The following SLC25A48 variants were observed in gnomAD, a reference collection of about 807,000 sequenced individuals.
SLC25A48 encodes solute carrier family 25 member 48.
In SLC25A48, 29 loss-of-function variants were observed where a neutral mutation model predicts 32.2. That is an observed-to-expected ratio of 0.90 (90% confidence interval 0.67 to 1.23). SLC25A48 has a LOEUF of 1.23. Among genes scored for constraint, SLC25A48 ranks in the 50% most tolerant of loss-of-function variants. The probability of loss-of-function intolerance (pLI) is 0.00; values close to 1 mark genes in which losing one functional copy is unlikely to be tolerated. For missense variants in SLC25A48, 399 were observed against 422.7 expected (o/e 0.94, Z 0.49); for synonymous variants, 164 against 172.3 (o/e 0.95, Z 0.38).
Position 135,871,574 on chromosome 5 carries a change from C to CG in SLC25A48, c.541dup (p.Ala181GlyfsTer24), listed in dbSNP as rs747050167. ...GAATGAGGGCCTGGCGGGGCTATAC[C>CG]GGGGGGCCAGTGCCATGCTGCTGAG... On this transcript the variant is annotated frameshift_variant, in exon 5 of 8. Transcript: ENST00000681962. LOFTEE classifies it high-confidence loss of function. The CG allele has an allele frequency of 1.2e-6, 2 of 1,614,038 alleles. No individual in the cohort carries two copies. Among genetic ancestry groups the CG allele is most frequent in the East Asian group, 2.2e-5 (1 of 44,888 alleles).
intron 4 of SLC25A48, among the ~76,000 whole-genome samples, chr5:135,817,056 G>A (rs1458361824): frequency 1.3e-5 from 2 of 152,248 alleles, no homozygotes; most frequent in Admixed American, 6.5e-5. Context: ...AAAGAGCAAA[G>A]TTGGCAGACT....
At chr5:135,851,867 T>TC (rs1454919357) in intron 3 of SLC25A48, among the ~76,000 whole-genome samples, 1 of 152,070 alleles carries the variant, frequency 6.6e-6, no homozygotes, top group Non-Finnish European at 1.5e-5. Flanking sequence ...CAGCACCCCC[T>TC]CCTCAGCCTC....
intron 3 of SLC25A48, 116 bp downstream of exon 3, chr5:135,850,612 C>T (rs1008399546): frequency 6.6e-6 from 6 of 914,566 alleles, no homozygotes; most frequent in African/African-American, 1.7e-5. Flanking sequence ...GCTCTTCACA[C>T]TCAGCTTGAT....
chr5:135,592,692 A>T (rs745455523), intron 1 of SLC25A48, among the ~76,000 whole-genome samples: 1 of 152,134 alleles, frequency 6.6e-6, no homozygotes, highest in African/African-American at 2.4e-5. Flanking sequence ...ACAGTGAGAG[A>T]GAGCACCACA....
At chr5:135,773,002 G>A (rs1409738720) in intron 3 of SLC25A48, among the ~76,000 whole-genome samples, 1 of 148,398 alleles carries the variant, frequency 6.7e-6, no homozygotes, top group Non-Finnish European at 1.5e-5. Context: ...GAAGAAAAGA[G>A]GATGGTATTA....
chr5:135,791,974 C>A (rs765176229), intron 3 of SLC25A48, among the ~76,000 whole-genome samples: 1 of 151,798 alleles, frequency 6.6e-6, no homozygotes, highest in Non-Finnish European at 1.5e-5. Flanking sequence ...GGTGTACACA[C>A]TGTGATATTA....
At chr5:135,787,109 C>A (rs1028480058) in intron 3 of SLC25A48, among the ~76,000 whole-genome samples, 1 of 151,888 alleles carries the variant, frequency 6.6e-6, no homozygotes, top group Non-Finnish European at 1.5e-5. Context: ...GATGTTACTC[C>A]TAATTTCACA....
intron 1 of SLC25A48, among the ~76,000 whole-genome samples, chr5:135,612,946 A>T (rs1752105764): frequency 6.6e-6 from 1 of 152,208 alleles, no homozygotes; most frequent in African/African-American, 2.4e-5. Context: ...CAGTAGTTGG[A>T]TTGCTGAATT....
intron 3 of SLC25A48, chr5:135,652,258 C>T: frequency 2.4e-6 from 1 of 409,460 alleles, no homozygotes; most frequent in South Asian, 1.8e-5. Flanking sequence ...TAGACAGTCA[C>T]CTGGTGGCAG....
At chr5:135,655,806 C>T (rs977552281) in intron 3 of SLC25A48, among the ~76,000 whole-genome samples, 3 of 152,242 alleles carry the variant, frequency 2.0e-5, no homozygotes, top group South Asian at 2.1e-4. Context: ...TGCATCCTCC[C>T]CACGGCTGTG....
chr5:135,830,330 A>T (rs1180219677), upstream of SLC25A48, among the ~76,000 whole-genome samples: 2 of 152,260 alleles, frequency 1.3e-5, no homozygotes, highest in African/African-American at 4.8e-5. Context: ...CCCGTGGCCA[A>T]GAATTTCAGA....
intron 3 of SLC25A48, among the ~76,000 whole-genome samples, chr5:135,766,438 G>T (rs73789143): frequency 0.042 from 6,449 of 151,772 alleles, 273 homozygotes; most frequent in African/African-American, 0.11. Flanking sequence ...CAGGGAGGGA[G>T]AGGGTGATAT....
rs549611373 is a variant in SLC25A48 at position 135,771,266 on chromosome 5, G to A, written c.-520-41257G>A. Among the ~76,000 whole-genome samples, 20 of 151,732 alleles carry A rather than the reference G, an allele frequency of 1.3e-4. No homozygotes were observed. The East Asian group carries it at 3.7e-3, about 28-fold the overall frequency. ...TCACGGGAATTGTACACCCCTCTGC[G>A]ATATGGTTCATAATATCCAGGGAGG... On this transcript the variant is annotated intron_variant, in intron 3 of 10. Coordinates refer to the SLC25A48 transcript ENST00000646290.
At chr5:135,858,973 G>A (rs375021030) in intron 4 of SLC25A48, among the ~76,000 whole-genome samples, 3 of 151,984 alleles carry the variant, frequency 2.0e-5, no homozygotes, top group Non-Finnish European at 4.4e-5. Context: ...GGGAGGGGAG[G>A]CTGACAAAAA....
intron 1 of SLC25A48, among the ~76,000 whole-genome samples, chr5:135,835,737 C>T (rs1758453920): frequency 2.7e-5 from 4 of 146,032 alleles, no homozygotes; most frequent in Admixed American, 2.7e-4. Context: ...AAGGGTTATC[C>T]TAAAAGGGAT....
chr5:135,786,571 A>G (rs1361893254), intron 3 of SLC25A48, among the ~76,000 whole-genome samples: 1 of 152,090 alleles, frequency 6.6e-6, no homozygotes, highest in Non-Finnish European at 1.5e-5. Context: ...ATGATACTAT[A>G]GGGGGATGTT....
intron 3 of SLC25A48, among the ~76,000 whole-genome samples, chr5:135,769,790 G>C (rs563935274): frequency 6.6e-6 from 1 of 151,698 alleles, no homozygotes; most frequent in African/African-American, 2.4e-5. Flanking sequence ...TCCAGAAAAA[G>C]AGAGGATGAT....
chr5:135,714,147 T>C (rs1248683012), intron 3 of SLC25A48, among the ~76,000 whole-genome samples: 16 of 152,016 alleles, frequency 1.1e-4, no homozygotes, highest in Non-Finnish European at 1.2e-4. Flanking sequence ...GCTGGTGAGG[T>C]GTGGCCAGAG....
chr5:135,854,977 C>T (rs1760184484), intron 4 of SLC25A48, among the ~76,000 whole-genome samples: 4 of 152,166 alleles, frequency 2.6e-5, no homozygotes, highest in African/African-American at 9.7e-5. Context: ...TCTCAGGAAA[C>T]AGGGCAGCCT....
Sources: allele counts gnomAD v4.1 joint callset (sites outside exome capture counted in the v4.1 genomes callset), GRCh38; gene constraint gnomAD v4.1.1; transcripts MANE v1.5; gene names NCBI Gene and HGNC (gene_info 2026-07-23, HGNC 2026-07-21).